SYN3: variants seen among roughly 807,000 people sequenced by gnomAD.
The protein encoded by SYN3 is synapsin III.
A neutral mutation model predicts 65.8 loss-of-function variants in SYN3; 35 were observed. The observed-to-expected ratio is 0.53, with a 90% CI of 0.41 to 0.70. The LOEUF (loss-of-function observed/expected upper bound fraction) is 0.70. Among genes scored for constraint, SYN3 ranks in the 30% least tolerant of loss-of-function variants. The probability of loss-of-function intolerance (pLI) is 0.00; values close to 1 mark genes in which losing one functional copy is unlikely to be tolerated. For synonymous variants in SYN3, 270 were observed against 292.9 expected (o/e 0.92, Z 0.80); for missense variants, 680 against 749.0 (o/e 0.91, Z 1.08).
At chr22:32,965,804 C>T (rs1266402798) in intron 3 of SYN3, among the ~76,000 whole-genome samples, 2 of 152,126 alleles carry the variant, frequency 1.3e-5, no homozygotes, top group African/African-American at 2.4e-5. Context: ...GCGCCATTCT[C>T]CTGCCTCAGC....
chr22:32,840,971 G>A (rs2047884127), intron 6 of SYN3, among the ~76,000 whole-genome samples: 1 of 152,204 alleles, frequency 6.6e-6, no homozygotes, highest in Non-Finnish European at 1.5e-5. Flanking sequence ...TTGCTGAAGA[G>A]TTGTGTATCT....
chr22:32,944,769 T>A (rs888018604), intron 3 of SYN3, among the ~76,000 whole-genome samples: 2 of 152,210 alleles, frequency 1.3e-5, no homozygotes, highest in African/African-American at 4.8e-5. Flanking sequence ...TGTTTGCAGA[T>A]GACATGATTG....
chr22:32,855,753 C>T (rs1472446497), intron 6 of SYN3, among the ~76,000 whole-genome samples: 1 of 152,138 alleles, frequency 6.6e-6, no homozygotes, highest in Non-Finnish European at 1.5e-5. Context: ...GTTGTGACAA[C>T]CAAAATTGTC....
intron 6 of SYN3, among the ~76,000 whole-genome samples, chr22:32,735,803 C>T (rs2061330491): frequency 6.6e-6 from 1 of 152,188 alleles, no homozygotes. Flanking sequence ...ATCTTGGGCT[C>T]CCACTCATGT....
At chr22:32,772,942 T>C (rs982908503) in intron 6 of SYN3, among the ~76,000 whole-genome samples, 10 of 152,208 alleles carry the variant, frequency 6.6e-5, no homozygotes, top group African/African-American at 2.4e-4. Context: ...AGTAGTTTGT[T>C]ACAGCAGCCA....
At chr22:32,564,882 C>T (rs114216105) in intron 7 of SYN3, among the ~76,000 whole-genome samples, 6,321 of 149,110 alleles carry the variant, frequency 0.042, 426 homozygotes, top group African/African-American at 0.15. Context: ...ACAGCGCTCC[C>T]GGACTGCACC....
intron 2 of SYN3, among the ~76,000 whole-genome samples, chr22:32,995,219 C>T (rs985860780): frequency 1.3e-5 from 2 of 152,170 alleles, no homozygotes; most frequent in African/African-American, 2.4e-5. Flanking sequence ...AGCCAGAAAA[C>T]AAGGAAGCTC....
chr22:32,564,011 G>T (rs1003889206), intron 7 of SYN3, among the ~76,000 whole-genome samples: 6 of 151,800 alleles, frequency 4.0e-5, no homozygotes, highest in African/African-American at 1.2e-4. Context: ...GCCAGTTCTG[G>T]GTTTTAGGAC....
chr22:32,539,800 A>AAAC (rs386395244), intron 8 of SYN3, among the ~76,000 whole-genome samples: 4 of 151,820 alleles, frequency 2.6e-5, no homozygotes, highest in Admixed American at 6.6e-5. Context: ...AGAAAAAAAA[A>AAAC]AACTGGGACA....
intron 12 of SYN3, among the ~76,000 whole-genome samples, chr22:32,525,734 A>C (rs891615689): frequency 2.6e-5 from 4 of 152,128 alleles, no homozygotes; most frequent in African/African-American, 9.7e-5. Context: ...AATGCTATGA[A>C]GATTGATGAA....
At chr22:32,869,330 T>TTCTCTCTCTCTCTCTCTCTCTCTC (rs59752570) in intron 4 of SYN3, among the ~76,000 whole-genome samples, 235 of 120,988 alleles carry the variant, frequency 1.9e-3, no homozygotes, top group Middle Eastern at 4.5e-3. Flanking sequence ...ACTATATATA[T>TTCTCTCTCTCTCTCTCTCTCTCTC]TCTCTCTCTC....
intron 2 of SYN3, among the ~76,000 whole-genome samples, chr22:32,983,777 T>A (rs241708): frequency 6.6e-6 from 1 of 152,042 alleles, no homozygotes. Context: ...GTATTTGAAG[T>A]GCCTGGGGCA....
At chr22:32,667,025 A>G (rs1035323789) in intron 6 of SYN3, among the ~76,000 whole-genome samples, 34 of 152,348 alleles carry the variant, frequency 2.2e-4, no homozygotes, top group Admixed American at 1.7e-3. Context: ...ACGGAACACA[A>G]GGTCAGGAGA....
At chr22:32,636,142 C>T (rs2059811252) in intron 6 of SYN3, among the ~76,000 whole-genome samples, 2 of 152,178 alleles carry the variant, frequency 1.3e-5, no homozygotes, top group Admixed American at 1.3e-4. Flanking sequence ...TGGCTCATGC[C>T]TGTAATCCCA....
intron 6 of SYN3, among the ~76,000 whole-genome samples, chr22:32,680,588 G>T (rs926936383): frequency 3.9e-5 from 6 of 152,158 alleles, no homozygotes; most frequent in Non-Finnish European, 7.3e-5. Flanking sequence ...GCCCAACAAA[G>T]CCTCCTTAGA....
At chr22:32,951,907 T>C (rs11704744) in intron 3 of SYN3, among the ~76,000 whole-genome samples, 44,369 of 152,082 alleles carry the variant, frequency 0.29, 6,838 homozygotes, top group African/African-American at 0.39. Context: ...CCCTCCTCCA[T>C]TCGGCCTCTT....
intron 4 of SYN3, among the ~76,000 whole-genome samples, chr22:32,873,862 C>T (rs2048916440): frequency 6.6e-6 from 1 of 152,076 alleles, no homozygotes; most frequent in Non-Finnish European, 1.5e-5. Flanking sequence ...TGCAGTGGCT[C>T]ATGCTTGTAA....
chr22:32,518,396 A>C, intron 12 of SYN3, 62 bp from the exon 13 acceptor site: 1 of 1,586,742 alleles, frequency 6.3e-7, no homozygotes, highest in South Asian at 1.1e-5. Flanking sequence ...ATATGGCTGT[A>C]CACAAATAAT....
rs536376688 is a variant in SYN3, at chr22:32,584,037, C to T, written c.774+12637G>A. Reference sequence around the variant, plus strand: ...GAATGCAGTTTCTTCATTTCCCTGTCCCATGACTTTACTCTGCACTCTTTG... The same window carrying T: ...GAATGCAGTTTCTTCATTTCCCTGTTCCATGACTTTACTCTGCACTCTTTG... On this transcript the variant is annotated intron_variant, in intron 7 of 13. Coordinates refer to ENST00000358763, the MANE Select transcript of SYN3 (RefSeq NM_003490.4). The T allele has an allele frequency of 3.3e-5, 5 of 152,306 alleles. No individual in the cohort carries two copies. In the East Asian group the frequency reaches 9.7e-4, roughly 29 times the overall value. The allele number at this position is 152,306 out of a possible 1,614,324, so 9.4% of individuals were successfully genotyped here. A position where few individuals can be genotyped will look rare whatever the true frequency, so the allele number is the denominator to read the frequency against.
Sources: gnomAD v4.1 joint callset for allele counts (sites outside exome capture counted in the v4.1 genomes callset) on GRCh38, gnomAD v4.1.1 for gene constraint, MANE v1.5 for transcripts, NCBI Gene and HGNC (gene_info 2026-07-23, HGNC 2026-07-21) for gene names.